Variants in PTPRD observed in about 807,000 individuals in gnomAD.
PTPRD encodes receptor-type tyrosine-protein phosphatase delta.
PTPRD carries 34 observed loss-of-function variants against 214.5 expected under a neutral mutation model. The observed-to-expected ratio is 0.16, with a 90% CI of 0.12 to 0.21. PTPRD has a LOEUF of 0.21. PTPRD is among the 10% of genes least tolerant of loss of function. The pLI is 1.00. For synonymous variants in PTPRD, 1,128 were observed against 845.7 expected (o/e 1.33, Z -5.79); for missense variants, 2,545 against 2,398.7 (o/e 1.06, Z -1.27).
intron 5 of PTPRD, among the ~76,000 whole-genome samples, chr9:9,926,141 TAC>T (rs2084226046): frequency 6.6e-6 from 1 of 152,156 alleles, no homozygotes; most frequent in South Asian, 2.1e-4. Flanking sequence ...ACTTCTCTTA[TAC>T]GTTCCAGGCT....
intron 7 of PTPRD, among the ~76,000 whole-genome samples, chr9:9,678,544 A>G (rs950917337): frequency 6.6e-6 from 1 of 151,964 alleles, no homozygotes; most frequent in Non-Finnish European, 1.5e-5. Flanking sequence ...TATTTTTATT[A>G]GATACCTCAA....
At chr9:8,929,755 A>ATGTGTGTATATATATGTGTATATATG in intron 11 of PTPRD, among the ~76,000 whole-genome samples, 1 of 58,096 alleles carries the variant, frequency 1.7e-5, no homozygotes, top group East Asian at 4.5e-4. Context: ...GTATATATAT[A>ATGTGTGTATATATATGTGTATATATG]TGTATATATA....
At chr9:9,315,498 T>C (rs1439185356) in intron 9 of PTPRD, among the ~76,000 whole-genome samples, 1 of 152,060 alleles carries the variant, frequency 6.6e-6, no homozygotes, top group African/African-American at 2.4e-5. Context: ...TATGTTTTTC[T>C]ATATACCACA....
chr9:9,125,580 G>T (rs1456261387), intron 10 of PTPRD, among the ~76,000 whole-genome samples: 1 of 152,152 alleles, frequency 6.6e-6, no homozygotes, highest in Non-Finnish European at 1.5e-5. Context: ...ACAACAGGTA[G>T]CAAGATATCT....
chr9:9,645,279 A>T (rs2096116493), intron 7 of PTPRD, among the ~76,000 whole-genome samples: 2 of 152,146 alleles, frequency 1.3e-5, no homozygotes, highest in South Asian at 4.1e-4. Context: ...TGTCACCTGT[A>T]AAATGGAGAC....
In PTPRD at chr9:8,463,717, C is replaced by G. The variant is rs561573222; in HGVS notation, c.3714+1749G>C. On this transcript the variant is annotated intron_variant, in intron 32 of 45. Transcript: ENST00000381196. ...AGATTAAATTTTGGATAATTCCAAA[C>G]CAGTTATCTGACATTCTTAATATGA... 1.5e-4 allele frequency among the ~76,000 whole-genome samples: 23 copies of G among 151,992 alleles called. No homozygotes were observed. The South Asian group carries it at 3.5e-3, about 23-fold the overall frequency.
At chr9:8,519,289 A>G (rs1293732442) in intron 20 of PTPRD, among the ~76,000 whole-genome samples, 1 of 152,200 alleles carries the variant, frequency 6.6e-6, no homozygotes, top group African/African-American at 2.4e-5. Context: ...AATAAAATCC[A>G]TCTTTTTAGA....
At chr9:8,828,297 C>G (rs10118318) in intron 11 of PTPRD, among the ~76,000 whole-genome samples, 69,349 of 151,990 alleles carry the variant, frequency 0.46, 16,202 homozygotes, top group African/African-American at 0.56. Flanking sequence ...AGAAGGTGAG[C>G]CTTTGAGAGG....
rs2050186216 is a variant in PTPRD, at chr9:9,349,345, A to C, written c.-203+48104T>G. Among the ~76,000 whole-genome samples the C allele has an allele frequency of 2.0e-5, 3 of 152,126 alleles. No individual in the cohort carries two copies. In the East Asian group the frequency reaches 5.8e-4, roughly 30 times the overall value. ...AAGCAGTATCAGACTATCAGTCACCACACCTCCAACCCCCATCTTGCACAG... is the reference window on the plus strand; with the variant it reads ...AAGCAGTATCAGACTATCAGTCACCCCACCTCCAACCCCCATCTTGCACAG... On this transcript the variant is annotated intron_variant, in intron 9 of 45. Transcript: ENST00000381196.
chr9:10,220,315 C>G (rs896942438), intron 3 of PTPRD, among the ~76,000 whole-genome samples: 3 of 151,840 alleles, frequency 2.0e-5, no homozygotes, highest in East Asian at 3.9e-4. Flanking sequence ...ATTATACGAG[C>G]TTTCACTGCA....
intron 9 of PTPRD, among the ~76,000 whole-genome samples, chr9:9,388,610 T>C (rs919081580): frequency 1.3e-5 from 2 of 152,086 alleles, no homozygotes; most frequent in African/African-American, 4.8e-5. Context: ...ACAGGCTTGT[T>C]CTCATATACA....
At chr9:8,467,858 T>C (rs1044639763) in intron 31 of PTPRD, among the ~76,000 whole-genome samples, 2 of 151,960 alleles carry the variant, frequency 1.3e-5, no homozygotes, top group African/African-American at 4.8e-5. Flanking sequence ...TGTTGATATG[T>C]AGTTAAGGAC....
At chr9:9,440,864 T>G (rs113565888) in intron 8 of PTPRD, among the ~76,000 whole-genome samples, 99 of 152,170 alleles carry the variant, frequency 6.5e-4, no homozygotes, top group African/African-American at 2.3e-3. Context: ...CTTTTCTGAG[T>G]TGGAGTTTAG....
chr9:9,505,071 C>G (rs868177432), intron 8 of PTPRD, among the ~76,000 whole-genome samples: 1 of 151,554 alleles, frequency 6.6e-6, no homozygotes. Context: ...CTCCCTCACT[C>G]AGGGTCAAGC....
chr9:10,477,671 C>T (rs2099071899), intron 2 of PTPRD, among the ~76,000 whole-genome samples: 1 of 152,132 alleles, frequency 6.6e-6, no homozygotes, highest in Non-Finnish European at 1.5e-5. Context: ...ACTCTAAAAA[C>T]ACATGCACAC....
chr9:10,287,182 C>G (rs2095384438), intron 3 of PTPRD, among the ~76,000 whole-genome samples: 1 of 152,022 alleles, frequency 6.6e-6, no homozygotes, highest in Non-Finnish European at 1.5e-5. Context: ...ACTTTTGGAC[C>G]AAAGGTAAAA....
intron 10 of PTPRD, among the ~76,000 whole-genome samples, chr9:9,159,632 T>C (rs1199851324): frequency 6.6e-6 from 1 of 152,188 alleles, no homozygotes; most frequent in Non-Finnish European, 1.5e-5. Flanking sequence ...CCATTACTAC[T>C]TCAAGTGATC....
intron 2 of PTPRD, among the ~76,000 whole-genome samples, chr9:10,563,470 G>A (rs1192976460): frequency 6.6e-6 from 1 of 152,172 alleles, no homozygotes; most frequent in Non-Finnish European, 1.5e-5. Flanking sequence ...CATTATTTGA[G>A]TATGGAAACC....
intron 5 of PTPRD, among the ~76,000 whole-genome samples, chr9:9,881,470 C>T (rs2068661289): frequency 6.6e-6 from 1 of 152,122 alleles, no homozygotes; most frequent in Non-Finnish European, 1.5e-5. Flanking sequence ...GGGCAGGTTA[C>T]ATTATTTCTC....
Sources: gnomAD v4.1 joint callset for allele counts (sites outside exome capture counted in the v4.1 genomes callset) on GRCh38, gnomAD v4.1.1 for gene constraint, MANE v1.5 for transcripts, NCBI Gene and HGNC (gene_info 2026-07-23, HGNC 2026-07-21) for gene names.